Variants in DHRS4 observed in about 807,000 individuals in gnomAD.
DHRS4 encodes dehydrogenase/reductase 4.
DHRS4 carries 20 observed loss-of-function variants against 28.4 expected under a neutral mutation model. The ratio of observed to expected loss-of-function variants is 0.71; its 90% confidence interval spans 0.50 to 1.02. The LOEUF (loss-of-function observed/expected upper bound fraction) is 1.02, where lower values mean the gene tolerates loss of function less well. Among genes scored for constraint, DHRS4 ranks in the 50% least tolerant of loss-of-function variants. The pLI is 0.00. For synonymous variants in DHRS4, 144 were observed against 146.4 expected (o/e 0.98, Z 0.12); for missense variants, 378 against 367.2 (o/e 1.03, Z -0.24).
chr14:23,963,117 C>T (rs527570352), intron 3 of DHRS4, among the ~76,000 whole-genome samples: 5 of 109,052 alleles, frequency 4.6e-5, no homozygotes, highest in African/African-American at 1.1e-4. Flanking sequence ...GTTCCATTTG[C>T]AGAGCACAGG....
intron 2 of DHRS4, among the ~76,000 whole-genome samples, chr14:23,957,414 G>A (rs1397117705): frequency 1.3e-5 from 2 of 151,936 alleles, no homozygotes; most frequent in African/African-American, 4.8e-5. Context: ...CACTGGTGTT[G>A]TAAGTGGAAA....
chr14:23,963,755 G>T (rs1202690161), intron 3 of DHRS4, among the ~76,000 whole-genome samples: 1 of 147,490 alleles, frequency 6.8e-6, no homozygotes, highest in Non-Finnish European at 1.5e-5. Flanking sequence ...GGTGCACATG[G>T]TCTAACTTTC....
chr14:23,960,165 G>A (rs899393044), intron 3 of DHRS4, among the ~76,000 whole-genome samples, 162 bp downstream of exon 3: 2 of 151,944 alleles, frequency 1.3e-5, no homozygotes, highest in Non-Finnish European at 2.9e-5. Flanking sequence ...GGGCGGGTGG[G>A]GGTGGCTCTA....
chr14:23,961,375 A>G (rs2033406844), intron 3 of DHRS4, among the ~76,000 whole-genome samples: 1 of 139,852 alleles, frequency 7.2e-6, no homozygotes, highest in Admixed American at 6.8e-5. Flanking sequence ...AACAACAATG[A>G]CAACAAAACC....
chr14:23,967,132 C>G, intron 6 of DHRS4, 79 bp from the exon 7 acceptor site: 1 of 1,530,168 alleles, frequency 6.5e-7, no homozygotes. Flanking sequence ...CCGGCCTGGG[C>G]AAAAGAGCAA....
chr14:23,967,612 C>A, intron 7 of DHRS4: 2 of 430,348 alleles, frequency 4.6e-6, no homozygotes, highest in Non-Finnish European at 8.5e-6. Flanking sequence ...AATAATGACA[C>A]ATGTTTACAA....
intron 6 of DHRS4, 22 bp from the exon 7 acceptor site, chr14:23,967,189 G>C (rs754928911): frequency 6.2e-7 from 1 of 1,601,930 alleles, no homozygotes; most frequent in East Asian, 2.2e-5. Context: ...AAAACATAAA[G>C]AGATTTCCCT....
intron 3 of DHRS4, among the ~76,000 whole-genome samples, chr14:23,963,181 G>A (rs1407101128): frequency 9.3e-6 from 1 of 108,076 alleles, no homozygotes; most frequent in East Asian, 3.2e-4. Context: ...AATGGTAAAT[G>A]AGCATTGGCT....
At chr14:23,957,006 G>C (rs1396583332) in intron 2 of DHRS4, among the ~76,000 whole-genome samples, 3 of 152,186 alleles carry the variant, frequency 2.0e-5, no homozygotes, top group East Asian at 3.8e-4. Context: ...GTGAGGTTTT[G>C]AGCAAGAGAA....
chr14:23,954,059 C>T (rs2032971318), intron 1 of DHRS4, 143 bp downstream of exon 1: 1 of 1,336,100 alleles, frequency 7.5e-7, no homozygotes, highest in Non-Finnish European at 1.0e-6. Flanking sequence ...CCACGTGGTC[C>T]GCCTGAAGCC....
Position 23,953,893 on chromosome 14 carries a change from C to T in DHRS4, c.105C>T (p.Ala35=). The change falls in exon 1 of 8, where the codon GCC becomes GCT. Residue 35 remains alanine (A), a synonymous_variant. Transcript: ENST00000313250. ...GGGACCCGCTCGCAAATAAGGTGGC[C>T]CTGGTAACGGCCTCCACCGACGGGT... ...TRRDPLANKV[A]LVTASTDGIG... 6.2e-7 allele frequency: 1 copy of T among 1,604,556 alleles called. No homozygotes were observed. The highest frequency in any genetic ancestry group is 1.7e-5 in the Admixed American group (1 of 58,500).
At chr14:23,965,473 T>A (rs2033580553) in intron 3 of DHRS4, among the ~76,000 whole-genome samples, 1 of 128,198 alleles carries the variant, frequency 7.8e-6, no homozygotes, top group Admixed American at 7.8e-5. Context: ...ACAGCTCAAA[T>A]CCAAAGGCCC....
rs532956613 is a variant in DHRS4 at position 23,960,284 on chromosome 14, T to C, written c.408+281T>C. ...CCCAGGCTTTTTCCCTGGCATGCTC[T>C]TCTGCCTTGTTGATTTCCAACAGAG... On this transcript the variant is annotated intron_variant, in intron 3 of 7. Transcript: ENST00000313250. 1.1e-3 allele frequency among the ~76,000 whole-genome samples: 160 copies of C among 152,216 alleles called. 1 individual carries two copies. The highest frequency in any genetic ancestry group is 3.2e-3 in the African/African-American group (131 of 41,470).
chr14:23,960,495 T>C (rs764209546), intron 3 of DHRS4, among the ~76,000 whole-genome samples: 26 of 152,080 alleles, frequency 1.7e-4, no homozygotes, highest in Admixed American at 2.6e-4. Context: ...TTTAAAAAAA[T>C]AAAATAAAAA....
At position 23,959,997 on chromosome 14, in the gene DHRS4, G is replaced by C. The variant is rs756111199; in HGVS notation, c.402G>C (p.Trp134Cys). 1.1e-5 allele frequency: 17 copies of C among 1,604,520 alleles called. No individual in the cohort carries two copies. In the East Asian group the frequency reaches 3.6e-4, roughly 34 times the overall value. Residue 134 changes from tryptophan to cysteine, a missense_variant, in exon 3 of 8, where the codon TGG (tryptophan) becomes TGC (cysteine). Physicochemically the swap from Trp to Cys is radical, Grantham distance 215. Transcript: ENST00000313250. ...GSIMDVTEEV[W>C]DKTLDINVKA... ...TAATGGATGTCACTGAGGAGGTGTG[G>C]GACAAGGTGAGAGGGGATTAAAGCA...
Position 23,960,268 on chromosome 14 carries a change from T to C in DHRS4, c.408+265T>C, listed in dbSNP as rs3742495. On this transcript the variant is annotated intron_variant, in intron 3 of 7. Coordinates refer to ENST00000313250, the MANE Select transcript of DHRS4 (RefSeq NM_021004.4). ...ACAGTCTGCTCCTCTCCCCAGGCTT[T>C]TTCCCTGGCATGCTCTTCTGCCTTG... is the stretch of plus-strand genomic sequence containing the variant. Among the ~76,000 whole-genome samples the C allele has an allele frequency of 3.3e-3, 509 of 152,150 alleles. 4 individuals are homozygous for C. The highest frequency in any genetic ancestry group is 3.7e-3 in the Non-Finnish European group (250 of 68,018).
chr14:23,954,020 G>T, intron 1 of DHRS4, 104 bp downstream of exon 1: 1 of 1,487,378 alleles, frequency 6.7e-7, no homozygotes. Context: ...CTTACACGCT[G>T]CCAAAGTCTG....
In DHRS4 at chr14:23,960,485, T is replaced by C. The variant is rs566525923; in HGVS notation, c.408+482T>C. 2.5e-3 allele frequency among the ~76,000 whole-genome samples: 387 copies of C among 152,096 alleles called. 7 individuals are homozygous for C. The highest frequency in any genetic ancestry group is 8.6e-3 in the African/African-American group (356 of 41,430). On this transcript the variant is annotated intron_variant, in intron 3 of 7. Coordinates refer to ENST00000313250, the MANE Select transcript of DHRS4 (RefSeq NM_021004.4). ...AGTTGCCACTTTATAACATACATCC[T>C]TTAAAAAAATAAAATAAAAACCTAT...
chr14:23,968,928 G>T lies in DHRS4; in HGVS notation c.*57G>T. 1 of 1,602,150 alleles carries T rather than the reference G, an allele frequency of 6.2e-7. No individual in the cohort carries two copies. Among genetic ancestry groups the T allele is most frequent in the South Asian group, 1.1e-5 (1 of 89,524 alleles). ...GGCTCTAGCTCCTGGTGCTGTTCCC[G>T]CATTCACCCACTGGCCTTTCCCACC... On this transcript the variant is annotated 3_prime_UTR_variant, in exon 8 of 8. Coordinates refer to ENST00000313250, the MANE Select transcript of DHRS4 (RefSeq NM_021004.4).
Sources: allele counts gnomAD v4.1 joint callset (sites outside exome capture counted in the v4.1 genomes callset), GRCh38; gene constraint gnomAD v4.1.1; transcripts MANE v1.5; gene names NCBI Gene and HGNC (gene_info 2026-07-23, HGNC 2026-07-21).